Variants in PARD3B observed in about 807,000 individuals in gnomAD.
PARD3B encodes par-3 family cell polarity regulator beta.
In PARD3B, 103 loss-of-function variants were observed where a neutral mutation model predicts 130.2. The ratio of observed to expected loss-of-function variants is 0.79; its 90% CI spans 0.67 to 0.93. The LOEUF (loss-of-function observed/expected upper bound fraction) is 0.93, where lower values mean the gene tolerates loss of function less well. Ranked by LOEUF, PARD3B falls within the 40% of genes least tolerant of loss-of-function variation. The probability of loss-of-function intolerance (pLI) is 0.00; values close to 1 mark genes in which losing one functional copy is unlikely to be tolerated. For missense variants in PARD3B, 1,609 were observed against 1,499.2 expected, an observed-to-expected ratio of 1.07 and a Z score of -1.21; for synonymous variants, 583 against 553.2, an observed-to-expected ratio of 1.05 and a Z score of -0.76.
intron 10 of PARD3B, among the ~76,000 whole-genome samples, chr2:205,126,218 A>G (rs957974449): frequency 6.6e-5 from 10 of 152,194 alleles, no homozygotes. Context: ...GAGGGCTGGG[A>G]TAGACATCTT....
chr2:205,222,568 A>G (rs552318644), intron 15 of PARD3B, among the ~76,000 whole-genome samples: 9 of 152,350 alleles, frequency 5.9e-5, no homozygotes, highest in South Asian at 2.1e-4. Context: ...AGGGGTCACT[A>G]GACAATGTGA....
intron 2 of PARD3B, among the ~76,000 whole-genome samples, chr2:204,948,127 G>C (rs1689481656): frequency 6.6e-6 from 1 of 152,102 alleles, no homozygotes; most frequent in Non-Finnish European, 1.5e-5. Flanking sequence ...CTTGTTTAAA[G>C]GCTTTTCATA....
chr2:205,062,218 G>C (rs1208613246), intron 4 of PARD3B, among the ~76,000 whole-genome samples: 1 of 151,992 alleles, frequency 6.6e-6, no homozygotes, highest in East Asian at 1.9e-4. Context: ...AATATTTTAT[G>C]TAATATTTTT....
In PARD3B at chr2:205,241,062, A is replaced by G. The variant is rs535018018; in HGVS notation, c.2141-4716A>G. ...TTAAGTGAAAAGACACAGACTGTTTATTTATGCTTTTTAAAAAGATGCCAT... is the reference window on the plus strand; with the variant it reads ...TTAAGTGAAAAGACACAGACTGTTTGTTTATGCTTTTTAAAAAGATGCCAT... On this transcript the variant is annotated intron_variant, in intron 15 of 22. Transcript: ENST00000406610. The surrounding 1 kb of genome is among the most constrained non-coding windows in gnomAD (Gnocchi z 4.2). Among the ~76,000 whole-genome samples the G allele has an allele frequency of 6.6e-6, 1 of 152,294 alleles. No individual in the cohort carries two copies. Among genetic ancestry groups the G allele is most frequent in the Admixed American group, 6.5e-5 (1 of 15,290 alleles).
At chr2:205,289,644 G>A (rs1311639105) in intron 16 of PARD3B, among the ~76,000 whole-genome samples, 1 of 151,944 alleles carries the variant, frequency 6.6e-6, no homozygotes, top group East Asian at 1.9e-4. Context: ...GCAGCAGCGT[G>A]GAGATAGGTG....
chr2:204,822,624 G>T (rs1356204136), intron 2 of PARD3B, among the ~76,000 whole-genome samples: 1 of 152,068 alleles, frequency 6.6e-6, no homozygotes, highest in Non-Finnish European at 1.5e-5. Flanking sequence ...AGGTAATTTG[G>T]AATGAATGCC....
At chr2:205,409,345 G>A (rs1375688740) in intron 19 of PARD3B, among the ~76,000 whole-genome samples, 1 of 151,982 alleles carries the variant, frequency 6.6e-6, no homozygotes, top group Non-Finnish European at 1.5e-5. Context: ...TTTATTTGGG[G>A]GCCATTTTTC....
intron 13 of PARD3B, 84 bp from the exon 14 acceptor site, chr2:205,185,680 G>A (rs984854444): frequency 6.3e-5 from 70 of 1,113,932 alleles, no homozygotes; most frequent in African/African-American, 2.3e-4. Flanking sequence ...CTAAAACTGC[G>A]TCTGAGAGAG....
intron 18 of PARD3B, among the ~76,000 whole-genome samples, chr2:205,308,599 C>A (rs1242599833): frequency 1.7e-5 from 1 of 60,026 alleles, no homozygotes; most frequent in Admixed American, 2.5e-4. Context: ...AGCGAGACTC[C>A]GTCTCAAAAA....
chr2:205,439,811 T>TA (rs2047648424), intron 19 of PARD3B, among the ~76,000 whole-genome samples: 1 of 152,202 alleles, frequency 6.6e-6, no homozygotes, highest in Non-Finnish European at 1.5e-5. Flanking sequence ...CCAAAAAACT[T>TA]AGAGTCTCTT....
At chr2:205,216,551 A>G (rs2037921216) in intron 15 of PARD3B, among the ~76,000 whole-genome samples, 1 of 152,198 alleles carries the variant, frequency 6.6e-6, no homozygotes, top group African/African-American at 2.4e-5. Context: ...AAAATAGAAT[A>G]AAAAAGCAGA....
At chr2:205,487,962 G>A (rs1485316161) in intron 20 of PARD3B, among the ~76,000 whole-genome samples, 2 of 152,126 alleles carry the variant, frequency 1.3e-5, no homozygotes, top group African/African-American at 2.4e-5. Flanking sequence ...TCCTTAAACT[G>A]TCTTTTGTTC....
intron 2 of PARD3B, among the ~76,000 whole-genome samples, chr2:204,918,629 CAAAAAAAAAAAAA>C (rs549430207): frequency 0.32 from 32,022 of 101,284 alleles, 4,205 homozygotes; most frequent in Non-Finnish European, 0.39. Context: ...GACTCCGTCT[CAAAAAAAAAAAAA>C]AAAAAGAAAA....
intron 2 of PARD3B, among the ~76,000 whole-genome samples, chr2:204,751,430 A>C (rs2040462852): frequency 6.6e-6 from 1 of 152,204 alleles, no homozygotes. Flanking sequence ...TTAAGCTTAA[A>C]CTTCTTTAAC....
intron 3 of PARD3B, among the ~76,000 whole-genome samples, chr2:205,043,846 T>G (rs1698555683): frequency 6.6e-6 from 1 of 152,078 alleles, no homozygotes; most frequent in African/African-American, 2.4e-5. Context: ...AGGGTACATG[T>G]GCACAATGTG....
At chr2:204,864,187 T>C (rs1435838540) in intron 2 of PARD3B, among the ~76,000 whole-genome samples, 1 of 152,196 alleles carries the variant, frequency 6.6e-6, no homozygotes, top group Non-Finnish European at 1.5e-5. Flanking sequence ...AAGCCGTTCC[T>C]GTACTTCTGT....
At position 204,675,378 on chromosome 2, in the gene PARD3B, T is replaced by A. The variant is rs2036489257; in HGVS notation, c.121-10803T>A. On this transcript the variant is annotated intron_variant, in intron 1 of 22. Transcript: ENST00000406610. The surrounding 1 kb of genome is among the most constrained non-coding windows in gnomAD (Gnocchi z 4.4). ...TAACGTTTAATTTTCCTGATATAAC[T>A]TCAGTTTTGTGATTATACTGTATAT... 6.6e-6 allele frequency among the ~76,000 whole-genome samples: 1 copy of A among 152,084 alleles called. No homozygotes were observed. Among genetic ancestry groups the A allele is most frequent in the Non-Finnish European group, 1.5e-5 (1 of 67,988 alleles).
chr2:204,850,466 G>T (rs1217605796), intron 2 of PARD3B, among the ~76,000 whole-genome samples: 1 of 136,638 alleles, frequency 7.3e-6, no homozygotes, highest in Non-Finnish European at 1.5e-5. Context: ...TTCTTAATCA[G>T]TCAAAAAAAA....
rs2047030281 is a variant in PARD3B at position 204,906,011 on chromosome 2, G to A, written c.223-59141G>A. ...GAAAATCCGGATTTGGAAGGCAAAG[G>A]GAACAGGACAACAAGGGTAGTTGTA... On this transcript the variant is annotated intron_variant, in intron 2 of 22. Transcript: ENST00000406610. This position sits in a 1 kb window ranked among gnomAD's most constrained non-coding sequence, Gnocchi z 4.3. 1.3e-5 allele frequency among the ~76,000 whole-genome samples: 2 copies of A among 152,154 alleles called. No individual in the cohort carries two copies. Among genetic ancestry groups the A allele is most frequent in the South Asian group, 2.1e-4 (1 of 4,826 alleles).
Sources: gnomAD v4.1 joint callset for allele counts (sites outside exome capture counted in the v4.1 genomes callset) on GRCh38, gnomAD v4.1.1 for gene constraint, Gnocchi (gnomAD v3.1) non-coding constraint, MANE v1.5 for transcripts, NCBI Gene and HGNC (gene_info 2026-07-23, HGNC 2026-07-21) for gene names.